The following CDR2L variants were observed in gnomAD, a reference collection of about 807,000 sequenced individuals.
CDR2L encodes cerebellar degeneration related protein 2 like.
Under a neutral mutation model 36.1 loss-of-function variants are expected in CDR2L, and 19 were observed. That is an observed-to-expected ratio of 0.53 (90% CI 0.37 to 0.77). CDR2L has a LOEUF of 0.77. Ranked by LOEUF, CDR2L falls within the 30% of genes least tolerant of loss-of-function variation. CDR2L has a pLI of 0.00. For missense variants in CDR2L, 575 were observed against 627.2 expected (o/e 0.92, Z 0.89); for synonymous variants, 285 against 280.4 (o/e 1.02, Z -0.16).
At position 74,999,327 on chromosome 17, in the gene CDR2L, A is replaced by AC. The variant is rs879520803; in HGVS notation, c.80-177_80-176insC. ...ACACACACACACACAGACACACACA[A>AC]AAAGAACATTCCAGGCAGAAATAAC... On this transcript the variant is annotated intron_variant, in intron 1 of 4. Transcript: ENST00000337231. Among the ~76,000 whole-genome samples, 50 of 98,090 alleles carry AC rather than the reference A, an allele frequency of 5.1e-4. 1 individual carries two copies. In the East Asian group the frequency reaches 9.4e-3, roughly 18 times the overall value. 64.4% of individuals were successfully genotyped at this position (98,090 alleles called of 152,430 possible). A position where few individuals can be genotyped will look rare whatever the true frequency, so the allele number is the denominator to read the frequency against.
intron 1 of CDR2L, among the ~76,000 whole-genome samples, chr17:74,992,511 TC>T (rs1477921399): frequency 6.6e-6 from 1 of 151,858 alleles, no homozygotes; most frequent in Non-Finnish European, 1.5e-5. Flanking sequence ...ATTCTCCCGT[TC>T]CCAGGCCTCT....
intron 1 of CDR2L, among the ~76,000 whole-genome samples, chr17:74,991,201 G>A (rs2039794590): frequency 6.7e-6 from 1 of 149,194 alleles, no homozygotes; most frequent in Non-Finnish European, 1.5e-5. Flanking sequence ...TCGGGAGTTC[G>A]AGACTAGCCT....
Position 74,989,241 on chromosome 17 carries a change from C to T in CDR2L, c.79+1119C>T, listed in dbSNP as rs1166690468. ...CCCCTGACCTACTTCCCCACATGGC[C>T]AAGACTGGCTGGCAGATGAGGCTCT... On this transcript the variant is annotated intron_variant, in intron 1 of 4. Coordinates refer to ENST00000337231, the MANE Select transcript of CDR2L (RefSeq NM_014603.3). The surrounding 1 kb of genome is among the most constrained non-coding windows in gnomAD (Gnocchi z 4.2). Among the ~76,000 whole-genome samples, 1 of 152,178 alleles carries T rather than the reference C, an allele frequency of 6.6e-6. No homozygotes were observed. Among genetic ancestry groups the T allele is most frequent in the African/African-American group, 2.4e-5 (1 of 41,434 alleles).
chr17:75,001,415 G>A lies in CDR2L; in HGVS notation c.267G>A (p.Leu89=), dbSNP rs1337168931. Residue 89 remains leucine, a synonymous_variant, in exon 3 of 5, where the codon CTG becomes CTA. Transcript: ENST00000337231. ...CCAAAGTCTATGAGCAGCTGGACCT[G>A]ACAGCCCGGGACCTGGAGCTGACCA... ...QHAKVYEQLD[L]TARDLELTNH... 1 of 1,609,658 alleles carries A rather than the reference G, an allele frequency of 6.2e-7. No homozygotes were observed. Among genetic ancestry groups the A allele is most frequent in the Non-Finnish European group, 8.5e-7 (1 of 1,178,418 alleles).
At chr17:74,993,603 T>C (rs4789121) in intron 1 of CDR2L, among the ~76,000 whole-genome samples, 142,146 of 152,288 alleles carry the variant, frequency 0.93, 66,963 homozygotes, top group East Asian at 1. Context: ...GTTTATGTTA[T>C]GTAACTAGTT....
At chr17:74,994,657 A>G (rs781329363) in intron 1 of CDR2L, among the ~76,000 whole-genome samples, 5 of 152,086 alleles carry the variant, frequency 3.3e-5, no homozygotes, top group African/African-American at 4.8e-5. Context: ...TCTCACTGGA[A>G]TGCAGTGTTG....
intron 1 of CDR2L, among the ~76,000 whole-genome samples, chr17:74,997,919 TA>T (rs35218405): frequency 0.01 from 1,294 of 125,960 alleles, 8 homozygotes; most frequent in African/African-American, 0.026. Flanking sequence ...TTTTAGAAGT[TA>T]AAAAAAAAAA....
chr17:74,996,677 ATGGGTCCTCATTTCCCT>A (rs954297501), intron 1 of CDR2L, among the ~76,000 whole-genome samples: 2 of 151,760 alleles, frequency 1.3e-5, no homozygotes, highest in Non-Finnish European at 2.9e-5. Context: ...AGCCTATCTG[ATGGGTCCTCATTTCCCT>A]TGGACTGGGG....
chr17:74,999,678 T>C (rs1202991100), intron 2 of CDR2L, 62 bp downstream of exon 2: 2 of 991,106 alleles, frequency 2.0e-6, no homozygotes, highest in Non-Finnish European at 3.0e-6. Context: ...TGTGTGCCTT[T>C]ATGCAACTTA....
intron 1 of CDR2L, among the ~76,000 whole-genome samples, chr17:74,997,952 G>A (rs539229992): frequency 1.3e-5 from 2 of 151,872 alleles, no homozygotes; most frequent in East Asian, 3.9e-4. Flanking sequence ...CGGGCACGGT[G>A]GCTCACGCCT....
At chr17:74,995,966 C>T (rs1306269363) in intron 1 of CDR2L, among the ~76,000 whole-genome samples, 1 of 152,034 alleles carries the variant, frequency 6.6e-6, no homozygotes. Flanking sequence ...CACCCTTCTC[C>T]GTCTCTGGAT....
In CDR2L at chr17:75,003,269, T is replaced by C; in HGVS notation, c.593T>C (p.Leu198Pro). The C allele has an allele frequency of 6.4e-7, 1 of 1,557,934 alleles. No homozygotes were observed. Among genetic ancestry groups the C allele is most frequent in the Non-Finnish European group, 8.7e-7 (1 of 1,151,854 alleles). Reference protein sequence around the residue: ...LEQENERLQTLVGALRSQVSQ... With the variant: ...LEQENERLQTPVGALRSQVSQ... ...CAGGAGAACGAGCGGCTGCAGACCC[T>C]GGTGGGGGCGCTGCGCTCCCAGGTG... is the stretch of plus-strand genomic sequence containing the variant. Residue 198 changes from leucine (L) to proline (P), a missense_variant, in exon 5 of 5, where the codon CTG becomes CCG. Leu to Pro is a moderately conservative substitution (Grantham distance 98). Transcript: ENST00000337231.
chr17:74,997,837 C>T (rs1362363453), intron 1 of CDR2L, among the ~76,000 whole-genome samples: 2 of 151,376 alleles, frequency 1.3e-5, no homozygotes. Context: ...TGGTGAGACC[C>T]CCTCTCTACT....
In CDR2L at chr17:74,987,857, C is replaced by T; in HGVS notation, c.-187C>T. ...TCTGCGGGACCCCGGCCGGGCCGGA[C>T]CCTGGCAAAGCGCCAGGCCCCGCGT... On this transcript the variant is annotated 5_prime_UTR_variant, in exon 1 of 5. Coordinates refer to ENST00000337231, the MANE Select transcript of CDR2L (RefSeq NM_014603.3). The T allele has an allele frequency of 3.5e-6, 1 of 283,328 alleles. No individual in the cohort carries two copies. Among genetic ancestry groups the T allele is most frequent in the Non-Finnish European group, 6.6e-6 (1 of 151,308 alleles). The allele number at this position is 283,328 out of a possible 1,614,324, so 17.6% of individuals were successfully genotyped here.
Position 75,002,202 on chromosome 17 carries a change from C to T in CDR2L, c.480C>T (p.Cys160=). ...GGCGTACCATCCACACCTTCCCCTG[C>T]CTCAAGGAGCTGTGCACCAGCCCCC... The part of the protein sequence containing the change: ...ERRRTIHTFP[C]LKELCTSPRC... Residue 160 remains cysteine (C), a synonymous_variant, in exon 4 of 5, where the codon TGC becomes TGT. Coordinates refer to ENST00000337231, the MANE Select transcript of CDR2L (RefSeq NM_014603.3). This position sits in a 1 kb window ranked among gnomAD's most constrained non-coding sequence, Gnocchi z 4.1. The T allele has an allele frequency of 6.2e-7, 1 of 1,609,984 alleles. No individual in the cohort carries two copies. Among genetic ancestry groups the T allele is most frequent in the South Asian group, 1.1e-5 (1 of 90,150 alleles).
intron 2 of CDR2L, 118 bp from the exon 3 acceptor site, chr17:75,001,223 G>A: frequency 1.8e-6 from 2 of 1,104,292 alleles, no homozygotes; most frequent in Non-Finnish European, 2.5e-6. Flanking sequence ...AACACAGTGA[G>A]ACTCTGTATC....
chr17:74,998,609 C>T (rs1245114484), intron 1 of CDR2L, among the ~76,000 whole-genome samples: 1 of 152,002 alleles, frequency 6.6e-6, no homozygotes, highest in Admixed American at 6.6e-5. Flanking sequence ...TTAGATGGTG[C>T]TAAGTGCTAA....
chr17:74,999,688 A>ATTCTAAGTT, intron 2 of CDR2L, 72 bp downstream of exon 2: 1 of 874,424 alleles, frequency 1.1e-6, no homozygotes, highest in East Asian at 2.7e-5. Context: ...TATGCAACTT[A>ATTCTAAGTT]GAATAAGGTG....
Position 74,989,410 on chromosome 17 carries a change from AACACAC to A in CDR2L, c.79+1320_79+1325del, listed in dbSNP as rs61110164. Among the ~76,000 whole-genome samples the A allele has an allele frequency of 6.9e-5, 9 of 130,682 alleles. No individual in the cohort carries two copies. The highest frequency in any genetic ancestry group is 1.5e-4 in the Admixed American group (2 of 12,946). The allele number at this position is 130,682 out of a possible 152,430, so 85.7% of individuals were successfully genotyped here. A position where few individuals can be genotyped will look rare whatever the true frequency, so the allele number is the denominator to read the frequency against. Reference sequence around the variant, plus strand: ...CTGAAATGAGATACAGCTCCTCTCAAACACACACACACACACACACACACACACACA... The same window carrying A: ...CTGAAATGAGATACAGCTCCTCTCAAACACACACACACACACACACACACA... On this transcript the variant is annotated intron_variant, in intron 1 of 4. Coordinates refer to ENST00000337231, the MANE Select transcript of CDR2L (RefSeq NM_014603.3). The surrounding 1 kb of genome is among the most constrained non-coding windows in gnomAD (Gnocchi z 4.2).
Sources: gnomAD v4.1 joint callset for allele counts (sites outside exome capture counted in the v4.1 genomes callset) on GRCh38, gnomAD v4.1.1 for gene constraint, Gnocchi (gnomAD v3.1) non-coding constraint, MANE v1.5 for transcripts, NCBI Gene and HGNC (gene_info 2026-07-23, HGNC 2026-07-21) for gene names.